ZC3H12B: variants seen among roughly 807,000 people sequenced by gnomAD.
ZC3H12B encodes the protein probable ribonuclease ZC3H12B.
A neutral mutation model predicts 43.9 loss-of-function variants in ZC3H12B; 7 were observed. The ratio of observed to expected loss-of-function variants is 0.16; its 90% CI spans 0.09 to 0.30. The LOEUF (loss-of-function observed/expected upper bound fraction) is 0.30. Ranked by LOEUF, ZC3H12B falls within the 10% of genes least tolerant of loss-of-function variation. The pLI is 1.00. For synonymous variants in ZC3H12B, 222 were observed against 241.7 expected, an observed-to-expected ratio of 0.92 and a Z score of 0.76; for missense variants, 475 against 670.2, an observed-to-expected ratio of 0.71 and a Z score of 3.22.
chrX:65,435,426 G>A (rs1209947324), intron 3 of ZC3H12B, among the ~76,000 whole-genome samples: 1 of 111,561 alleles, frequency 9.0e-6, no homozygotes, highest in Non-Finnish European at 1.9e-5. Context: ...AATATTTTGT[G>A]TATCTTTATA....
At chrX:65,387,784 G>T (rs1410991316) in intron 2 of ZC3H12B, among the ~76,000 whole-genome samples, 3 of 112,712 alleles carry the variant, frequency 2.7e-5, no homozygotes, top group East Asian at 2.8e-4. Flanking sequence ...GGTACTGGTT[G>T]TTCCTTTTCA....
chrX:65,370,280 G>A (rs749235314), intron 2 of ZC3H12B, among the ~76,000 whole-genome samples: 1 of 111,028 alleles, frequency 9.0e-6, no homozygotes. Flanking sequence ...TGGTATAGTG[G>A]AAAGATCCCT....
the ZC3H12B span, among the ~76,000 whole-genome samples, chrX:65,320,961 G>A: frequency 3.6e-5 from 4 of 112,107 alleles, no homozygotes; most frequent in Non-Finnish European, 5.6e-5. Flanking sequence ...GACAACTTAG[G>A]CAATACCATT....
chrX:65,329,254 A>G, the ZC3H12B span, among the ~76,000 whole-genome samples: 2 of 111,374 alleles, frequency 1.8e-5, no homozygotes, highest in Non-Finnish European at 3.8e-5. Context: ...AATGGTGTGA[A>G]ATGGCATCTC....
chrX:65,326,492 C>G, the ZC3H12B span, among the ~76,000 whole-genome samples: 1 of 109,302 alleles, frequency 9.1e-6, no homozygotes, highest in Non-Finnish European at 1.9e-5. Context: ...TAAGGGGTGA[C>G]CACAGGCCAG....
chrX:65,097,767 G>A, the ZC3H12B span, among the ~76,000 whole-genome samples: 1 of 111,725 alleles, frequency 9.0e-6, no homozygotes, highest in African/African-American at 3.3e-5. Flanking sequence ...TTTAAAAAGA[G>A]TGAGCCCATT....
upstream of ZC3H12B, among the ~76,000 whole-genome samples, chrX:65,484,796 C>A (rs930046343): frequency 8.9e-6 from 1 of 112,410 alleles, no homozygotes; most frequent in African/African-American, 3.2e-5. Flanking sequence ...TATAAGATGT[C>A]ATTTGGCAGA....
chrX:65,132,095 G>T, the ZC3H12B span, among the ~76,000 whole-genome samples: 1 of 111,363 alleles, frequency 9.0e-6, no homozygotes, highest in Non-Finnish European at 1.9e-5. Context: ...AGAGAGGCTG[G>T]GATGAGGGGT....
At chrX:65,503,412 A>G (rs2068394544) in exon 5 of ZC3H12B, 1 of 373,693 alleles carries the variant, frequency 2.7e-6, no homozygotes, top group Non-Finnish European at 4.5e-6. Flanking sequence ...AGTGAAATTA[A>G]GTGGCTAGCC....
chrX:65,362,276 C>T (rs2066113633), upstream of ZC3H12B, among the ~76,000 whole-genome samples: 1 of 111,365 alleles, frequency 9.0e-6, no homozygotes, highest in Non-Finnish European at 1.9e-5. Context: ...TAATCAATAC[C>T]TGGAGGCTAC....
chrX:65,080,295 TA>T, the ZC3H12B span, among the ~76,000 whole-genome samples: 1 of 107,161 alleles, frequency 9.3e-6, no homozygotes, highest in Non-Finnish European at 1.9e-5. Flanking sequence ...AAGAAAGAGA[TA>T]GGGGTAGAAA....
chrX:65,341,594 C>T, the ZC3H12B span, among the ~76,000 whole-genome samples: 1 of 111,319 alleles, frequency 9.0e-6, no homozygotes, highest in Non-Finnish European at 1.9e-5. Context: ...CCAAGAATTT[C>T]ATGTCTGGCC....
the ZC3H12B span, among the ~76,000 whole-genome samples, chrX:65,073,478 C>T: frequency 0.11 from 12,403 of 111,764 alleles, 1,636 homozygotes; most frequent in African/African-American, 0.37. Context: ...TGGGAGAGGC[C>T]GGCAGACCAA....
the ZC3H12B span, among the ~76,000 whole-genome samples, chrX:65,212,844 G>A: frequency 1.9e-5 from 2 of 104,722 alleles, no homozygotes; most frequent in Non-Finnish European, 3.9e-5. Context: ...CCAGCATCTA[G>A]CACAGTGCCT....
chrX:65,473,054 C>T (rs1261385717), intron 3 of ZC3H12B, among the ~76,000 whole-genome samples: 4 of 97,980 alleles, frequency 4.1e-5, no homozygotes, highest in East Asian at 3.2e-4. Flanking sequence ...ACTCTTGTTG[C>T]CCAGGCTAAA....
chrX:65,283,580 A>C, the ZC3H12B span, among the ~76,000 whole-genome samples: 1 of 111,933 alleles, frequency 8.9e-6, no homozygotes, highest in Admixed American at 9.4e-5. Context: ...AAACCCCATC[A>C]TCTCAGTCCA....
At chrX:65,120,247 A>C in the ZC3H12B span, among the ~76,000 whole-genome samples, 1 of 111,765 alleles carries the variant, frequency 8.9e-6, no homozygotes, top group Non-Finnish European at 1.9e-5. Context: ...CAGTATGGCC[A>C]TTTTCACGAT....
At chrX:65,132,332 A>G in the ZC3H12B span, among the ~76,000 whole-genome samples, 1 of 111,443 alleles carries the variant, frequency 9.0e-6, no homozygotes, top group African/African-American at 3.3e-5. Flanking sequence ...TTAGAAGCCC[A>G]TGCTGTAGCA....
the ZC3H12B span, among the ~76,000 whole-genome samples, chrX:65,203,328 A>C: frequency 9.0e-6 from 1 of 111,280 alleles, no homozygotes; most frequent in African/African-American, 3.3e-5. Context: ...ACAGCTCAAA[A>C]TGTTCTGTGT....
Sources: gnomAD v4.1 joint callset for allele counts (sites outside exome capture counted in the v4.1 genomes callset) on GRCh38, gnomAD v4.1.1 for gene constraint, MANE v1.5 for transcripts, NCBI Gene and HGNC (gene_info 2026-07-23, HGNC 2026-07-21) for gene names.